NRCAM: variants seen among roughly 807,000 people sequenced by gnomAD.
NRCAM encodes NgCAM-related cell adhesion molecule.
A neutral mutation model predicts 156.5 loss-of-function variants in NRCAM; 83 were observed. The ratio of observed to expected loss-of-function variants is 0.53; its 90% CI spans 0.44 to 0.64. The LOEUF is 0.64. NRCAM is among the 30% of genes least tolerant of loss of function. The probability of loss-of-function intolerance (pLI) is 0.00; values close to 1 mark genes in which losing one functional copy is unlikely to be tolerated. For synonymous variants in NRCAM, 538 were observed against 563.9 expected (o/e 0.95, Z 0.65); for missense variants, 1,417 against 1,597.3 (o/e 0.89, Z 1.92).
chr7:108,233,883 T>TA (rs1401712297), intron 6 of NRCAM, among the ~76,000 whole-genome samples: 3 of 152,200 alleles, frequency 2.0e-5, no homozygotes, highest in Non-Finnish European at 4.4e-5. Flanking sequence ...GGGCCTTGAA[T>TA]AAGTTACTTA....
At chr7:108,409,167 G>T (rs1563676727) in intron 1 of NRCAM, among the ~76,000 whole-genome samples, 1 of 152,176 alleles carries the variant, frequency 6.6e-6, no homozygotes, top group Non-Finnish European at 1.5e-5. Flanking sequence ...ATCAACGCGT[G>T]CAGAGCATTA....
intron 5 of NRCAM, among the ~76,000 whole-genome samples, chr7:108,236,989 G>C (rs1489689839): frequency 6.6e-6 from 1 of 152,156 alleles, no homozygotes; most frequent in Non-Finnish European, 1.5e-5. Context: ...GGAGTTTACT[G>C]TCTGGATATA....
chr7:108,150,666 G>A (rs771245420), intron 32 of NRCAM: 1 of 521,290 alleles, frequency 1.9e-6, no homozygotes, highest in East Asian at 5.5e-5. Flanking sequence ...TGTTATCAAT[G>A]CAGGCCAGAC....
At chr7:108,197,798 T>C (rs2075948898) in intron 14 of NRCAM, among the ~76,000 whole-genome samples, 158 bp downstream of exon 14, 1 of 152,170 alleles carries the variant, frequency 6.6e-6, no homozygotes, top group Non-Finnish European at 1.5e-5. Flanking sequence ...AAGACTGCCA[T>C]ATTCTTTGGG....
At chr7:108,305,892 T>C (rs1053115934) in intron 3 of NRCAM, among the ~76,000 whole-genome samples, 2 of 152,194 alleles carry the variant, frequency 1.3e-5, no homozygotes, top group Non-Finnish European at 2.9e-5. Context: ...AAATATAGCT[T>C]CCAAATCTAA....
At chr7:108,436,259 A>C (rs150631107) in intron 1 of NRCAM, among the ~76,000 whole-genome samples, 2,039 of 152,338 alleles carry the variant, frequency 0.013, 16 homozygotes, top group South Asian at 0.048. Context: ...AAGCAGACCA[A>C]CCAGTTGCAA....
intron 3 of NRCAM, among the ~76,000 whole-genome samples, chr7:108,288,657 A>G (rs979782645): frequency 6.6e-6 from 1 of 152,138 alleles, no homozygotes; most frequent in Non-Finnish European, 1.5e-5. Flanking sequence ...TTTAAATTAC[A>G]TAAGAACCTG....
At chr7:108,350,863 T>G (rs1242255115) in intron 2 of NRCAM, among the ~76,000 whole-genome samples, 2 of 152,222 alleles carry the variant, frequency 1.3e-5, no homozygotes, top group African/African-American at 4.8e-5. Flanking sequence ...CTTTTCATGA[T>G]CTTACATAAA....
chr7:108,203,505 A>G (rs967015275), intron 13 of NRCAM, among the ~76,000 whole-genome samples: 1 of 151,970 alleles, frequency 6.6e-6, no homozygotes, highest in African/African-American at 2.4e-5. Context: ...CAGATCAATA[A>G]CATTGCATTT....
intron 1 of NRCAM, among the ~76,000 whole-genome samples, chr7:108,426,951 G>GTA (rs1296992416): frequency 6.6e-6 from 1 of 152,082 alleles, no homozygotes; most frequent in African/African-American, 2.4e-5. Flanking sequence ...TTGTGCAGTG[G>GTA]GGTACCAACT....
chr7:108,428,085 T>C (rs1819698704), intron 1 of NRCAM, among the ~76,000 whole-genome samples: 1 of 152,102 alleles, frequency 6.6e-6, no homozygotes, highest in Non-Finnish European at 1.5e-5. Context: ...AAGGACAAGA[T>C]AAAGCAAAAG....
chr7:108,338,152 G>T (rs947119597), intron 2 of NRCAM, among the ~76,000 whole-genome samples: 1 of 152,220 alleles, frequency 6.6e-6, no homozygotes, highest in African/African-American at 2.4e-5. Flanking sequence ...GGCAGTAGCC[G>T]GTTGAGATCA....
intron 1 of NRCAM, among the ~76,000 whole-genome samples, chr7:108,446,344 T>C (rs1032653074): frequency 6.6e-6 from 1 of 152,220 alleles, no homozygotes; most frequent in Non-Finnish European, 1.5e-5. Flanking sequence ...GGTCTAGATC[T>C]ATCTATGTCT....
Position 108,182,756 on chromosome 7 carries a change from G to T in NRCAM, c.2469C>A (p.Ala823=), listed in dbSNP as rs2064229709. 1 of 1,614,152 alleles carries T rather than the reference G, an allele frequency of 6.2e-7. No individual in the cohort carries two copies. The highest frequency in any genetic ancestry group is 8.5e-7 in the Non-Finnish European group (1 of 1,180,026). The change falls in exon 23 of 33, where the codon GCC becomes GCA. Residue 823 remains alanine (A), a synonymous_variant. Coordinates refer to ENST00000379028, the MANE Select transcript of NRCAM (RefSeq NM_001037132.4). ...TFVPYLIKVQ[A]LNDMGFAPEP... ...CGGGGGCAAACCCCATGTCATTCAGGGCCTGAACTTTGATCAGGTATGGAA... is the reference window on the plus strand; with the variant it reads ...CGGGGGCAAACCCCATGTCATTCAGTGCCTGAACTTTGATCAGGTATGGAA...
At chr7:108,343,691 T>C (rs1563351017) in intron 2 of NRCAM, among the ~76,000 whole-genome samples, 1 of 152,192 alleles carries the variant, frequency 6.6e-6, no homozygotes, top group Non-Finnish European at 1.5e-5. Flanking sequence ...TGGAAATTAC[T>C]TAAAACCCTT....
chr7:108,421,964 A>C (rs781242210), intron 1 of NRCAM, among the ~76,000 whole-genome samples: 6 of 152,220 alleles, frequency 3.9e-5, no homozygotes, highest in Non-Finnish European at 8.8e-5. Flanking sequence ...ACTAAAACGA[A>C]GGTATGTTTA....
At chr7:108,242,737 C>A (rs955652830) in intron 3 of NRCAM, among the ~76,000 whole-genome samples, 3 of 152,078 alleles carry the variant, frequency 2.0e-5, no homozygotes, top group Non-Finnish European at 4.4e-5. Context: ...GACTTAAGTG[C>A]CAAGTTCTCC....
chr7:108,370,186 T>C (rs1211036883), intron 2 of NRCAM, among the ~76,000 whole-genome samples: 1 of 152,152 alleles, frequency 6.6e-6, no homozygotes, highest in African/African-American at 2.4e-5. Flanking sequence ...ATGCAAATAA[T>C]TACTAGAAAG....
chr7:108,391,837 CT>C (rs1299134578), intron 2 of NRCAM, among the ~76,000 whole-genome samples: 1 of 152,084 alleles, frequency 6.6e-6, no homozygotes, highest in Non-Finnish European at 1.5e-5. Flanking sequence ...CTTATGAAGC[CT>C]AGTTTGGCTG....
Sources: gnomAD v4.1 joint callset for allele counts (sites outside exome capture counted in the v4.1 genomes callset) on GRCh38, gnomAD v4.1.1 for gene constraint, MANE v1.5 for transcripts, NCBI Gene and HGNC (gene_info 2026-07-23, HGNC 2026-07-21) for gene names.